The following ZSWIM5 variants were observed in gnomAD, a reference collection of about 807,000 sequenced individuals.
The protein encoded by ZSWIM5 is zinc finger SWIM domain-containing protein 5.
In ZSWIM5, 55 loss-of-function variants were observed where a neutral mutation model predicts 119.6. That is an observed-to-expected ratio of 0.46 (90% CI 0.37 to 0.58). The LOEUF (loss-of-function observed/expected upper bound fraction) is 0.58. ZSWIM5 is among the 20% of genes least tolerant of loss of function. ZSWIM5 has a pLI of 0.00. For synonymous variants in ZSWIM5, 537 were observed against 606.9 expected, an observed-to-expected ratio of 0.88 and a Z score of 1.69; for missense variants, 1,193 against 1,512.8, an observed-to-expected ratio of 0.79 and a Z score of 3.51.
In ZSWIM5 at chr1:45,019,234, T is replaced by C; in HGVS notation, c.2778A>G (p.Thr926=). ...GCAGGATAGTGGTGTGGGATACGGC[T>C]GTGGCAGCTACAATACTAGTAGCCT... ...PTEATSIVAA[T]AVSHTTILRL... is the part of the protein sequence containing the mutation. The change falls in exon 14 of 14, where the codon ACA becomes ACG. Residue 926 remains threonine (T), a synonymous_variant. Transcript: ENST00000359600. This position sits in a 1 kb window ranked among gnomAD's most constrained non-coding sequence, Gnocchi z 5.0. 6.2e-7 allele frequency: 1 copy of C among 1,613,768 alleles called. No individual in the cohort carries two copies. The highest frequency in any genetic ancestry group is 1.3e-5 in the African/African-American group (1 of 75,022).
At chr1:45,101,446 G>C (rs1013509682) in intron 1 of ZSWIM5, among the ~76,000 whole-genome samples, 15 of 152,202 alleles carry the variant, frequency 9.9e-5, no homozygotes, top group African/African-American at 3.4e-4. Context: ...GTTGGTGGGA[G>C]TGTAAACTAG....
chr1:45,166,011 CAA>C (rs1645899933), intron 1 of ZSWIM5, among the ~76,000 whole-genome samples: 1 of 151,820 alleles, frequency 6.6e-6, no homozygotes, highest in Non-Finnish European at 1.5e-5. Flanking sequence ...AGAGACACAA[CAA>C]AAAAAGAGAA....
chr1:45,107,008 A>C (rs1268370796), intron 1 of ZSWIM5, among the ~76,000 whole-genome samples: 1 of 152,180 alleles, frequency 6.6e-6, no homozygotes. Flanking sequence ...CAGATACTTG[A>C]AGACAGCATA....
intron 1 of ZSWIM5, among the ~76,000 whole-genome samples, chr1:45,154,303 C>CA (rs1645814572): frequency 6.6e-6 from 1 of 152,000 alleles, no homozygotes; most frequent in South Asian, 2.1e-4. Context: ...CTGGACTAAG[C>CA]AAAAAGTACA....
At chr1:45,129,639 T>C (rs1240995023) in intron 1 of ZSWIM5, among the ~76,000 whole-genome samples, 1 of 152,166 alleles carries the variant, frequency 6.6e-6, no homozygotes, top group Non-Finnish European at 1.5e-5. Context: ...ATAATCCTGA[T>C]TTTTTACAAA....
chr1:45,071,443 T>C (rs1020435185), intron 2 of ZSWIM5, among the ~76,000 whole-genome samples: 3 of 139,736 alleles, frequency 2.1e-5, no homozygotes, highest in Non-Finnish European at 4.6e-5. Flanking sequence ...TTGTTGCAAA[T>C]GACAGAATCT....
At chr1:45,139,694 A>ATTTTTTTTT (rs774168631) in intron 1 of ZSWIM5, among the ~76,000 whole-genome samples, 6 of 67,330 alleles carry the variant, frequency 8.9e-5, no homozygotes, top group Non-Finnish European at 1.4e-4. Context: ...GCTTTCTTCG[A>ATTTTTTTTT]TTTTTTTTTT....
rs1172174264 is a variant in ZSWIM5, at chr1:45,040,447, A to G, written c.1701T>C (p.Asn567=). Residue 567 remains asparagine (N), a synonymous_variant, in exon 7 of 14, where the codon AAT becomes AAC. Transcript: ENST00000359600. The part of the protein sequence containing the change: ...EALRLTVAII[N]TLRLQQQRQL... ...GCCGCTGCTGCTGCAACCTCAGAGTATTAATAATGGCCACTGTGAGTCTGA... is the reference window on the plus strand; with the variant it reads ...GCCGCTGCTGCTGCAACCTCAGAGTGTTAATAATGGCCACTGTGAGTCTGA... 2.5e-6 allele frequency: 4 copies of G among 1,612,226 alleles called. No homozygotes were observed. Among genetic ancestry groups the G allele is most frequent in the African/African-American group, 1.3e-5 (1 of 74,860 alleles).
chr1:45,144,801 G>T (rs1439598182), intron 1 of ZSWIM5, among the ~76,000 whole-genome samples: 3 of 152,222 alleles, frequency 2.0e-5, no homozygotes, highest in Admixed American at 6.5e-5. Flanking sequence ...CTCCATAAAA[G>T]AAGAAACTGG....
At chr1:45,139,570 T>C (rs1276752562) in intron 1 of ZSWIM5, among the ~76,000 whole-genome samples, 1 of 149,544 alleles carries the variant, frequency 6.7e-6, no homozygotes, top group African/African-American at 2.5e-5. Context: ...TTCAAACTCC[T>C]GGGCTCAGGC....
chr1:45,067,984 T>C (rs1645195308), intron 2 of ZSWIM5, among the ~76,000 whole-genome samples: 1 of 151,818 alleles, frequency 6.6e-6, no homozygotes, highest in Non-Finnish European at 1.5e-5. Flanking sequence ...CTTTTATAAA[T>C]AATTATGAAA....
intron 12 of ZSWIM5, 54 bp from the exon 13 acceptor site, chr1:45,020,201 C>T (rs533039631): frequency 4.9e-6 from 7 of 1,431,880 alleles, no homozygotes; most frequent in Non-Finnish European, 6.9e-6. Context: ...TGTGACCTCT[C>T]CCTCCCCTTG....
At chr1:45,183,369 A>G (rs373843063) in intron 1 of ZSWIM5, among the ~76,000 whole-genome samples, 2 of 152,210 alleles carry the variant, frequency 1.3e-5, no homozygotes, top group Middle Eastern at 6.8e-3. Flanking sequence ...ACATTCAAAA[A>G]CTAGCAGAAG....
At chr1:45,160,900 C>T (rs1645859832) in intron 1 of ZSWIM5, among the ~76,000 whole-genome samples, 2 of 150,434 alleles carry the variant, frequency 1.3e-5, no homozygotes, top group Admixed American at 1.3e-4. Flanking sequence ...CAGCTCACTG[C>T]AAGCTCCGCC....
At chr1:45,205,139 T>C (rs964320485) in intron 1 of ZSWIM5, among the ~76,000 whole-genome samples, 6 of 151,364 alleles carry the variant, frequency 4.0e-5, no homozygotes, top group Non-Finnish European at 5.9e-5. Flanking sequence ...TTTTTTTTTT[T>C]CCTTGGGTGG....
chr1:45,134,103 T>C (rs1013665539), intron 1 of ZSWIM5, among the ~76,000 whole-genome samples: 9 of 152,166 alleles, frequency 5.9e-5, no homozygotes, highest in African/African-American at 2.2e-4. Context: ...GGCTCTTTTT[T>C]GGTTCCATAT....
chr1:45,206,280 G>A lies in ZSWIM5; in HGVS notation c.71C>T (p.Ser24Leu), dbSNP rs1487668309. 3 of 1,577,334 alleles carry A rather than the reference G, an allele frequency of 1.9e-6. No individual in the cohort carries two copies. Among genetic ancestry groups the A allele is most frequent in the South Asian group, 1.2e-5 (1 of 86,520 alleles). ...GTGATGAGCCTGCGGGCTGGGCCAC[G>A]AACACTGCCGCTTAGCCGGAGAGAC... Reference protein sequence around the residue: ...SPVSPAKRQCSWPSPQAHHPR... With the variant: ...SPVSPAKRQCLWPSPQAHHPR... Residue 24 changes from serine (S) to leucine (L), a missense_variant, in exon 1 of 14, where the codon TCG (serine) becomes TTG (leucine). This residue lies in a region of ZSWIM5 where 232 missense variants were observed against 222.9 expected (regional missense o/e 1.04). Coordinates refer to ENST00000359600, the MANE Select transcript of ZSWIM5 (RefSeq NM_020883.2).
chr1:45,085,059 C>T (rs1645318166), intron 2 of ZSWIM5, among the ~76,000 whole-genome samples: 1 of 152,234 alleles, frequency 6.6e-6, no homozygotes, highest in African/African-American at 2.4e-5. Flanking sequence ...CAGGCATTTC[C>T]ATACATCCTC....
chr1:45,058,525 C>A, intron 4 of ZSWIM5, 84 bp downstream of exon 4: 1 of 1,546,708 alleles, frequency 6.5e-7, no homozygotes, highest in South Asian at 1.2e-5. Flanking sequence ...ATCCATGCAA[C>A]GACTGATGGC....
Sources: allele counts gnomAD v4.1 joint callset (sites outside exome capture counted in the v4.1 genomes callset), GRCh38; gene constraint gnomAD v4.1.1; regional missense constraint gnomAD v4.1.1; non-coding constraint Gnocchi (gnomAD v3.1); transcripts MANE v1.5; gene names NCBI Gene and HGNC (gene_info 2026-07-23, HGNC 2026-07-21).